The following NUP62 variants were observed in gnomAD, a reference collection of about 807,000 sequenced individuals.
The protein encoded by NUP62 is nucleoporin 62, also known as nuclear pore glycoprotein p62.
For missense variants in NUP62, 647 were observed against 689.4 expected (o/e 0.94, Z 0.69); for synonymous variants, 305 against 303.4 (o/e 1.01, Z -0.05).
At position 49,907,221 on chromosome 19, in the gene NUP62, G is replaced by A; in HGVS notation, c.*1018C>T. On this transcript the variant is annotated 3_prime_UTR_variant, in exon 3 of 3. Transcript: ENST00000352066. Reference sequence around the variant, plus strand: ...GGATAGCATAACAAGTGCCACCCAAGGTACAGGCTCAGGGTGCTACGGGGA... The same window carrying A: ...GGATAGCATAACAAGTGCCACCCAAAGTACAGGCTCAGGGTGCTACGGGGA... 4.4e-6 allele frequency: 1 copy of A among 228,394 alleles called. No homozygotes were observed. Among genetic ancestry groups the A allele is most frequent in the Non-Finnish European group, 8.9e-6 (1 of 112,520 alleles). 14.1% of individuals were successfully genotyped at this position (228,394 alleles called of 1,614,324 possible). A position where few individuals can be genotyped will look rare whatever the true frequency, so the allele number is the denominator to read the frequency against.
In NUP62 at chr19:49,908,355, G is replaced by C; in HGVS notation, c.1453C>G (p.Leu485Val). 7 of 1,614,198 alleles carry C rather than the reference G, an allele frequency of 4.3e-6. No homozygotes were observed. The highest frequency in any genetic ancestry group is 5.9e-6 in the Non-Finnish European group (7 of 1,180,036). The change falls in exon 3 of 3, where the codon CTG (leucine) becomes GTG (valine). Residue 485 changes from leucine to valine, a missense_variant. Transcript: ENST00000352066. ...GCCGAGTTCTGGTCGATCCACTGCA[G>C]TGAGTCCATGTGCGCATTGAGGATC... Reference protein sequence around the residue: ...CKILNAHMDSLQWIDQNSALL... With the variant: ...CKILNAHMDSVQWIDQNSALL...
chr19:49,908,914 C>T lies in NUP62; in HGVS notation c.894G>A (p.Ala298=), dbSNP rs370852613. 3.9e-4 allele frequency: 623 copies of T among 1,607,416 alleles called. No individual in the cohort carries two copies. The highest frequency in any genetic ancestry group is 5.0e-4 in the Middle Eastern group (3 of 6,000). The change falls in exon 3 of 3, where the codon GCG becomes GCA. Residue 298 remains alanine (A), a synonymous_variant. Transcript: ENST00000352066. The stretch of plus-strand genomic sequence containing the variant: ...CTGTATTGCTGGGGATCCCGGCTGG[C>T]GCCAGTGGTTTTAAATTCAAGGCAA... The part of the protein sequence containing the change: ...TGFALNLKPL[A]PAGIPSNTAA...
chr19:49,913,378 T>C (rs2075529994), intron 2 of NUP62, among the ~76,000 whole-genome samples: 1 of 152,216 alleles, frequency 6.6e-6, no homozygotes, highest in Admixed American at 6.5e-5. Context: ...TTTGTTTACC[T>C]GGGGCCCCAG....
chr19:49,914,670 C>CTTT (rs2075572364), intron 2 of NUP62, among the ~76,000 whole-genome samples: 2 of 147,610 alleles, frequency 1.4e-5, no homozygotes, highest in South Asian at 4.4e-4. Context: ...CCCCAGCCTT[C>CTTT]GGTCAGCTCT....
At chr19:49,917,996 ACT>A (rs1272681492) in intron 2 of NUP62, among the ~76,000 whole-genome samples, 2 of 151,880 alleles carry the variant, frequency 1.3e-5, no homozygotes, top group East Asian at 1.9e-4. Context: ...ACAGAGCGAG[ACT>A]CTGTCTAAAA....
rs139313756 is a variant in NUP62, at chr19:49,908,990, G to C, written c.818C>G (p.Thr273Ser). ...GGTGGTGGCGGTGGCGGTGGCAGCG[G>C]TGGATGTTGTTGTGGAGGTGCCGGA... is the stretch of plus-strand genomic sequence containing the variant. The part of the protein sequence containing the change: ...AASGTSTTTS[T>S]AATATATTTS... The change falls in exon 3 of 3, where the codon ACC (threonine) becomes AGC (serine). Residue 273 changes from threonine (T) to serine (S), a missense_variant. Thr to Ser is a moderately conservative substitution (Grantham distance 58, BLOSUM62 1). Coordinates refer to ENST00000352066, the MANE Select transcript of NUP62 (RefSeq NM_016553.5). 3.1e-6 allele frequency: 5 copies of C among 1,610,902 alleles called. No homozygotes were observed. In the African/African-American group the frequency reaches 6.7e-5, roughly 22 times the overall value.
In NUP62 at chr19:49,908,704, A is replaced by C; in HGVS notation, c.1104T>G (p.Asn368Lys). Residue 368 changes from asparagine (N) to lysine (K), a missense_variant, in exon 3 of 3, where the codon AAT (asparagine) becomes AAG (lysine). Physicochemically the swap from Asn to Lys is moderately conservative, Grantham distance 94. Transcript: ENST00000352066. ...GGTGCAGGCTGGTGATCTTTTCTCCATTCTCGATCAGCGTGCGGTCCCAGG... is the reference window on the plus strand; with the variant it reads ...GGTGCAGGCTGGTGATCTTTTCTCCCTTCTCGATCAGCGTGCGGTCCCAGG... The part of the protein sequence containing the change: ...VNAWDRTLIE[N>K]GEKITSLHRE... 1.2e-6 allele frequency: 2 copies of C among 1,612,390 alleles called. No individual in the cohort carries two copies. Among genetic ancestry groups the C allele is most frequent in the Non-Finnish European group, 1.7e-6 (2 of 1,180,008 alleles).
At chr19:49,913,529 C>T (rs548608172) in intron 2 of NUP62, among the ~76,000 whole-genome samples, 20 of 152,300 alleles carry the variant, frequency 1.3e-4, no homozygotes, top group South Asian at 8.3e-4. Flanking sequence ...CCCCACAACC[C>T]GGGCCGCCAC....
intron 2 of NUP62, chr19:49,911,520 T>C (rs1288479876): frequency 6.6e-6 from 1 of 152,226 alleles, no homozygotes; most frequent in East Asian, 1.9e-4. Flanking sequence ...CCCTTCCAGC[T>C]TGAGTAAGAG....
intron 2 of NUP62, among the ~76,000 whole-genome samples, chr19:49,914,454 C>G (rs1351176140): frequency 6.6e-6 from 1 of 152,182 alleles, no homozygotes; most frequent in Admixed American, 6.5e-5. Context: ...CTTGAGGTCA[C>G]CAAGGAAAGT....
At position 49,927,785 on chromosome 19, in the gene NUP62, T is replaced by G. The variant is rs2075938960; in HGVS notation, c.-169A>C. On this transcript the variant is annotated 5_prime_UTR_variant, in exon 2 of 3. Coordinates refer to ENST00000352066, the MANE Select transcript of NUP62 (RefSeq NM_016553.5). ...GATGAAGGTTGAACTCCAGCTGGGA[T>G]GTCCTGATGTGGATGGGACAAGGTG... 1 of 152,250 alleles carries G rather than the reference T, an allele frequency of 6.6e-6. No individual in the cohort carries two copies. Among genetic ancestry groups the G allele is most frequent in the Non-Finnish European group, 1.5e-5 (1 of 68,048 alleles). 9.4% of individuals were successfully genotyped at this position (152,250 alleles called of 1,614,324 possible).
chr19:49,920,376 C>T (rs1487653801), intron 2 of NUP62, among the ~76,000 whole-genome samples: 2 of 152,214 alleles, frequency 1.3e-5, no homozygotes, highest in South Asian at 2.1e-4. Flanking sequence ...CCACCATGCC[C>T]GGCCTAGGAG....
chr19:49,924,588 T>C (rs1411124883), intron 2 of NUP62, among the ~76,000 whole-genome samples: 7 of 150,996 alleles, frequency 4.6e-5, no homozygotes, highest in East Asian at 2.0e-4. Flanking sequence ...AGCTCAGGAG[T>C]TGAAGGGGAG....
At chr19:49,917,260 C>T (rs2075649077) in intron 2 of NUP62, among the ~76,000 whole-genome samples, 1 of 152,218 alleles carries the variant, frequency 6.6e-6, no homozygotes, top group Non-Finnish European at 1.5e-5. Context: ...CACTGCCTTC[C>T]CTCACTTGCC....
At chr19:49,922,595 T>C (rs2075791613) in intron 2 of NUP62, among the ~76,000 whole-genome samples, 1 of 151,700 alleles carries the variant, frequency 6.6e-6, no homozygotes, top group Non-Finnish European at 1.5e-5. Context: ...ATGACAGCTG[T>C]GGGGAGGGGA....
intron 2 of NUP62, among the ~76,000 whole-genome samples, chr19:49,919,691 A>G (rs944408223): frequency 6.6e-6 from 1 of 152,196 alleles, no homozygotes; most frequent in African/African-American, 2.4e-5. Flanking sequence ...TCGCAGGACC[A>G]ACAGCAATTT....
chr19:49,923,954 G>A (rs1032434875), intron 2 of NUP62, among the ~76,000 whole-genome samples: 2 of 152,258 alleles, frequency 1.3e-5, no homozygotes, highest in African/African-American at 4.8e-5. Flanking sequence ...CGGTCTGTCT[G>A]ATGCAAAACT....
chr19:49,922,134 G>A (rs1303341929), intron 2 of NUP62, among the ~76,000 whole-genome samples: 2 of 152,204 alleles, frequency 1.3e-5, no homozygotes, highest in Non-Finnish European at 2.9e-5. Context: ...AACCCCGGCG[G>A]CACTAGCTCC....
chr19:49,915,803 C>G (rs1243712259), intron 2 of NUP62, among the ~76,000 whole-genome samples: 1 of 152,174 alleles, frequency 6.6e-6, no homozygotes, highest in Non-Finnish European at 1.5e-5. Context: ...CTGGGGCAAC[C>G]CTGCCAGGAC....
Sources: allele counts gnomAD v4.1 joint callset (sites outside exome capture counted in the v4.1 genomes callset), GRCh38; gene constraint gnomAD v4.1.1; transcripts MANE v1.5; gene names NCBI Gene and HGNC (gene_info 2026-07-23, HGNC 2026-07-21).